Variants in SPDYE17 observed in about 807,000 individuals in gnomAD.
SPDYE17 encodes the protein speedy protein E17.
For synonymous variants in SPDYE17, 4 were observed against 14.8 expected, an observed-to-expected ratio of 0.27 and a Z score of 1.68; for missense variants, 7 against 38.0, an observed-to-expected ratio of 0.18 and a Z score of 2.15.
chr7:77,032,302 A>G lies in SPDYE17; in HGVS notation c.-516T>C, dbSNP rs75293602. Among the ~76,000 whole-genome samples, 62,809 of 125,016 alleles carry G rather than the reference A, an allele frequency of 0.5. 22,064 individuals carry two copies. Among genetic ancestry groups the G allele is most frequent in the African/African-American group, 0.78 (26,548 of 33,986 alleles). The allele number at this position is 125,016 out of a possible 152,430, so 82.0% of individuals were successfully genotyped here. A position where few individuals can be genotyped will look rare whatever the true frequency, so the allele number is the denominator to read the frequency against. ...CGGCTCTCCTAGGAGTCTCTCGCTCATGGGAAAGGCACAAACTGAATGCGG... is the reference window on the plus strand; with the variant it reads ...CGGCTCTCCTAGGAGTCTCTCGCTCGTGGGAAAGGCACAAACTGAATGCGG... On this transcript the variant is annotated 5_prime_UTR_variant, in exon 1 of 8. An upstream start codon of the reference 5' UTR is lost. Transcript: ENST00000671986.
rs1304052917 is a variant in SPDYE17, at chr7:77,022,845, A to G, written c.*988T>C. Among the ~76,000 whole-genome samples, 2 of 116,648 alleles carry G rather than the reference A, an allele frequency of 1.7e-5. No individual in the cohort carries two copies. Among genetic ancestry groups the G allele is most frequent in the Admixed American group, 9.8e-5 (1 of 10,160 alleles). 76.5% of individuals were successfully genotyped at this position (116,648 alleles called of 152,430 possible). On this transcript the variant is annotated 3_prime_UTR_variant, in exon 8 of 8. Transcript: ENST00000671986. ...ATAAATATATTTAATAAATATTTCA[A>G]TAAATAAAATAATATTTAAATAATT...
At chr7:77,027,861 TG>T (rs1302336237) in intron 4 of SPDYE17, among the ~76,000 whole-genome samples, 1 of 130,934 alleles carries the variant, frequency 7.6e-6, no homozygotes, top group Non-Finnish European at 1.6e-5. Context: ...CCAGGCATGG[TG>T]GTTCATGTTT....
chr7:77,025,830 C>T (rs1277139161), intron 5 of SPDYE17: 3 of 144,472 alleles, frequency 2.1e-5, no homozygotes, highest in Non-Finnish European at 4.5e-5. Flanking sequence ...AATCAAGAGG[C>T]TGAGGTGGGA....
chr7:77,030,064 C>T (rs1299424632), intron 2 of SPDYE17, among the ~76,000 whole-genome samples: 2 of 97,858 alleles, frequency 2.0e-5, no homozygotes, highest in African/African-American at 4.3e-5. Flanking sequence ...GACCTCTGAC[C>T]CTTCTTTTGT....
intron 3 of SPDYE17, 149 bp from the exon 4 acceptor site, chr7:77,028,349 A>G: frequency 5.8e-6 from 3 of 520,520 alleles, no homozygotes; most frequent in Non-Finnish European, 9.1e-6. Flanking sequence ...AATGACTTTC[A>G]CTGGGCAAGG....
chr7:77,025,954 C>CT (rs1789425596), intron 5 of SPDYE17, among the ~76,000 whole-genome samples: 1 of 140,992 alleles, frequency 7.1e-6, no homozygotes, highest in Non-Finnish European at 1.5e-5. Flanking sequence ...ATTGAATACA[C>CT]TGATATTTTG....
At position 77,025,497 on chromosome 7, in the gene SPDYE17, C is replaced by T. The variant is rs1295354351; in HGVS notation, c.495-386G>A. ...ACGTGGCTCATGCCTGTAATCCCAGCGCTTTGGAAGGCTGAAGCAGGTGGA... is the reference window on the plus strand; with the variant it reads ...ACGTGGCTCATGCCTGTAATCCCAGTGCTTTGGAAGGCTGAAGCAGGTGGA... On this transcript the variant is annotated intron_variant, in intron 5 of 7. Transcript: ENST00000671986. The T allele has an allele frequency of 6.8e-5, 14 of 205,254 alleles. 1 individual carries two copies. In the South Asian group the frequency reaches 8.1e-4, roughly 12 times the overall value. The allele number at this position is 205,254 out of a possible 1,614,324, so 12.7% of individuals were successfully genotyped here.
rs1293815382 is a variant in SPDYE17, at chr7:77,028,018, C to A, written c.408+124G>T. 1.2e-5 allele frequency: 8 copies of A among 667,234 alleles called. 1 individual carries two copies. Among genetic ancestry groups the A allele is most frequent in the Non-Finnish European group, 1.6e-5 (7 of 450,206 alleles). 41.3% of individuals were successfully genotyped at this position (667,234 alleles called of 1,614,324 possible). On this transcript the variant is annotated intron_variant, in intron 4 of 7. Coordinates refer to ENST00000671986, the MANE Select transcript of SPDYE17 (RefSeq NM_001351351.3). ...TCACAAAAAAAAACAAAAACAAAAA[C>A]AAAAAAAAACTGTAGGAGCATCTGG...
At chr7:77,026,712 T>C (rs1789440358) in intron 5 of SPDYE17, 117 bp downstream of exon 5, 4 of 492,646 alleles carry the variant, frequency 8.1e-6, no homozygotes, top group Non-Finnish European at 1.3e-5. Flanking sequence ...CTGTCTTTTT[T>C]GTACACAGAG....
chr7:77,026,144 G>T lies in SPDYE17; in HGVS notation c.494+685C>A, dbSNP rs1789429228. Among the ~76,000 whole-genome samples, 2 of 134,760 alleles carry T rather than the reference G, an allele frequency of 1.5e-5. 1 individual carries two copies. The highest frequency in any genetic ancestry group is 5.0e-4 in the South Asian group (2 of 3,962). The allele number at this position is 134,760 out of a possible 152,430, so 88.4% of individuals were successfully genotyped here. ...GAGGTGAACCGACTTCAAGGAATGGGTCCTTCCCTTCAGAGCCACATGTGT... is the reference window on the plus strand; with the variant it reads ...GAGGTGAACCGACTTCAAGGAATGGTTCCTTCCCTTCAGAGCCACATGTGT... On this transcript the variant is annotated intron_variant, in intron 5 of 7. Transcript: ENST00000671986.
At position 77,032,232 on chromosome 7, in the gene SPDYE17, A is replaced by G. The variant is rs922340144; in HGVS notation, c.-454+8T>C. On this transcript the variant is annotated splice_region_variant and intron_variant, in intron 1 of 7. Transcript: ENST00000671986. ...TCTCAAAAAAAAAAAAAAACAAACA[A>G]AAAGAACCTGTGGATGAGTTCCCAC... is the stretch of plus-strand genomic sequence containing the variant. Among the ~76,000 whole-genome samples the G allele has an allele frequency of 3.4e-4, 42 of 123,128 alleles. 8 individuals are homozygous for G. The South Asian group carries it at 6.3e-3, about 18-fold the overall frequency. 80.8% of individuals were successfully genotyped at this position (123,128 alleles called of 152,430 possible).
chr7:77,022,799 GTAA>G lies in SPDYE17; in HGVS notation c.*1031_*1033del, dbSNP rs1449215835. Among the ~76,000 whole-genome samples the G allele has an allele frequency of 1.2e-3, 138 of 118,790 alleles. 9 individuals are homozygous for G. Among genetic ancestry groups the G allele is most frequent in the African/African-American group, 3.6e-3 (127 of 35,566 alleles). The allele number at this position is 118,790 out of a possible 152,430, so 77.9% of individuals were successfully genotyped here. On this transcript the variant is annotated 3_prime_UTR_variant, in exon 8 of 8. Coordinates refer to ENST00000671986, the MANE Select transcript of SPDYE17 (RefSeq NM_001351351.3). Reference sequence around the variant, plus strand: ...CAAAATATTTAAAATAATATTTAAAGTAATAATAATATTTAAATAAATAAATAT... The same window carrying G: ...CAAAATATTTAAAATAATATTTAAAGTAATAATATTTAAATAAATAAATAT...
chr7:77,028,399 CGAA>C, intron 3 of SPDYE17, among the ~76,000 whole-genome samples, 199 bp from the exon 4 acceptor site: 1 of 73,624 alleles, frequency 1.4e-5, no homozygotes, highest in Non-Finnish European at 2.5e-5. Context: ...GAGAAGAGGC[CGAA>C]GGAGGCCCTG....
intron 5 of SPDYE17, chr7:77,025,471 G>T: frequency 4.3e-6 from 1 of 232,914 alleles, no homozygotes; most frequent in East Asian, 2.0e-4. Flanking sequence ...AAATACGCCA[G>T]ACGTGGCTCA....
chr7:77,023,780 C>T lies in SPDYE17; in HGVS notation c.*53G>A, dbSNP rs1789405358. On this transcript the variant is annotated 3_prime_UTR_variant, in exon 8 of 8. Coordinates refer to ENST00000671986, the MANE Select transcript of SPDYE17 (RefSeq NM_001351351.3). ...CTGAAAATCCACATCTCCCCTGGGT[C>T]CGGTGTTCTGGAAGTGAGAGAGACA... is the stretch of plus-strand genomic sequence containing the variant. The T allele has an allele frequency of 3.4e-5, 5 of 148,938 alleles. No individual in the cohort carries two copies. In the Admixed American group the frequency reaches 8.7e-4, roughly 26 times the overall value. The allele number at this position is 148,938 out of a possible 1,614,324, so 9.2% of individuals were successfully genotyped here. A position where few individuals can be genotyped will look rare whatever the true frequency, so the allele number is the denominator to read the frequency against.
At chr7:77,029,698 C>CCT (rs1211253292) in intron 2 of SPDYE17, among the ~76,000 whole-genome samples, 1 of 41,608 alleles carries the variant, frequency 2.4e-5, no homozygotes, top group Non-Finnish European at 3.6e-5. Flanking sequence ...CTGAGTCCCT[C>CCT]TTTTTTTTTT....
intron 5 of SPDYE17, among the ~76,000 whole-genome samples, chr7:77,026,244 A>C (rs1268731941): frequency 7.0e-6 from 1 of 142,108 alleles, no homozygotes; most frequent in Admixed American, 7.6e-5. Flanking sequence ...AAGCCAAGCC[A>C]GGAAACACCA....
At chr7:77,026,037 A>G (rs887114484) in intron 5 of SPDYE17, among the ~76,000 whole-genome samples, 26 of 131,116 alleles carry the variant, frequency 2.0e-4, no homozygotes, top group African/African-American at 4.4e-4. Context: ...CCTAATCCCA[A>G]TGTCACATTA....
chr7:77,030,080 C>CTTT (rs761251656), intron 2 of SPDYE17, among the ~76,000 whole-genome samples: 1 of 45,306 alleles, frequency 2.2e-5, no homozygotes, highest in Non-Finnish European at 3.3e-5. Context: ...TTTGTTTCTT[C>CTTT]TTTTTTTTTT....
Sources: gnomAD v4.1 joint callset for allele counts (sites outside exome capture counted in the v4.1 genomes callset) on GRCh38, gnomAD v4.1.1 for gene constraint, MANE v1.5 for transcripts, NCBI Gene and HGNC (gene_info 2026-07-23, HGNC 2026-07-21) for gene names.